P4HA1: variants seen among roughly 807,000 people sequenced by gnomAD.
P4HA1 encodes the protein prolyl 4-hydroxylase subunit alpha-1.
P4HA1 carries 24 observed loss-of-function variants against 72.8 expected under a neutral mutation model. The observed-to-expected ratio is 0.33, with a 90% CI of 0.24 to 0.46. P4HA1 has a LOEUF of 0.46. Ranked by LOEUF, P4HA1 falls within the 20% of genes least tolerant of loss-of-function variation. The pLI is 1.00. For synonymous variants in P4HA1, 201 were observed against 218.8 expected, an observed-to-expected ratio of 0.92 and a Z score of 0.72; for missense variants, 446 against 640.6, an observed-to-expected ratio of 0.70 and a Z score of 3.28.
chr10:73,039,603 C>T (rs904085048), intron 9 of P4HA1, among the ~76,000 whole-genome samples: 7 of 152,010 alleles, frequency 4.6e-5, no homozygotes, highest in Admixed American at 2.0e-4. Flanking sequence ...CACCATGCCC[C>T]GCCTGTTTTA....
chr10:73,064,706 T>A (rs1350664127), intron 5 of P4HA1, among the ~76,000 whole-genome samples: 1 of 151,892 alleles, frequency 6.6e-6, no homozygotes, highest in African/African-American at 2.4e-5. Context: ...CTGGACATGG[T>A]GGTGGGCACC....
At chr10:73,045,887 A>AC (rs879272191) in intron 8 of P4HA1, among the ~76,000 whole-genome samples, 1 of 151,320 alleles carries the variant, frequency 6.6e-6, no homozygotes, top group African/African-American at 2.4e-5. Context: ...AAAAAAAAAA[A>AC]CCACCAATTT....
chr10:73,082,113 A>T (rs1327868753), intron 1 of P4HA1, among the ~76,000 whole-genome samples: 1 of 152,262 alleles, frequency 6.6e-6, no homozygotes, highest in Non-Finnish European at 1.5e-5. Context: ...ACACTTTATT[A>T]TAAAATAGGC....
chr10:73,047,226 AAAG>A (rs2133090362), intron 7 of P4HA1, 125 bp from the exon 8 acceptor site: 2 of 723,856 alleles, frequency 2.8e-6, no homozygotes, highest in East Asian at 5.5e-5. Context: ...AAAACATACA[AAAG>A]AAGCAGTACT....
chr10:73,058,015 C>T (rs112733441), intron 5 of P4HA1, among the ~76,000 whole-genome samples: 7,804 of 141,396 alleles, frequency 0.055, 650 homozygotes, highest in African/African-American at 0.18. Context: ...CGCTTGAACC[C>T]GGGAAGCGAG....
At chr10:73,072,838 G>C (rs1841596453) in intron 3 of P4HA1, among the ~76,000 whole-genome samples, 1 of 152,148 alleles carries the variant, frequency 6.6e-6, no homozygotes, top group Non-Finnish European at 1.5e-5. Context: ...TGACTAAGAG[G>C]TTAGAAGAGG....
intron 9 of P4HA1, among the ~76,000 whole-genome samples, chr10:73,037,847 A>T (rs1353618934): frequency 6.6e-6 from 1 of 151,810 alleles, no homozygotes; most frequent in African/African-American, 2.4e-5. Context: ...AAAAAAAATA[A>T]AAAAGCTGAA....
intron 1 of P4HA1, among the ~76,000 whole-genome samples, chr10:73,075,328 C>T (rs1442696307): frequency 1.3e-5 from 2 of 152,054 alleles, no homozygotes; most frequent in South Asian, 2.1e-4. Flanking sequence ...AGGCTGGTCT[C>T]GAACTCCTGG....
intron 9 of P4HA1, among the ~76,000 whole-genome samples, chr10:73,031,986 T>C (rs1401024610): frequency 1.3e-5 from 2 of 152,160 alleles, no homozygotes; most frequent in African/African-American, 2.4e-5. Flanking sequence ...TGGATCAATC[T>C]CTTTTATCTA....
intron 10 of P4HA1, among the ~76,000 whole-genome samples, chr10:73,023,737 C>T (rs141093138): frequency 0.025 from 3,757 of 148,764 alleles, 145 homozygotes; most frequent in African/African-American, 0.082. Context: ...TCAGGAGACA[C>T]ATCTCATGTG....
chr10:73,037,571 A>ATATATATATATATAT (rs1238501206), intron 9 of P4HA1, among the ~76,000 whole-genome samples: 1 of 30,610 alleles, frequency 3.3e-5, no homozygotes, highest in Non-Finnish European at 5.9e-5. Context: ...ATATATATAT[A>ATATATATATATATAT]TTTTTTTTTT....
intron 1 of P4HA1, among the ~76,000 whole-genome samples, chr10:73,076,387 G>T: frequency 6.8e-6 from 1 of 147,652 alleles, no homozygotes; most frequent in Non-Finnish European, 1.5e-5. Context: ...AAGTTGTAGA[G>T]AATCCAAAAC....
At chr10:73,050,553 A>G (rs937863848) in intron 7 of P4HA1, among the ~76,000 whole-genome samples, 1 of 152,028 alleles carries the variant, frequency 6.6e-6, no homozygotes, top group African/African-American at 2.4e-5. Flanking sequence ...TACAAAAATT[A>G]GCCGGGTATG....
chr10:73,089,710 T>TAAA (rs10700344), intron 1 of P4HA1, among the ~76,000 whole-genome samples: 115 of 95,892 alleles, frequency 1.2e-3, no homozygotes, highest in African/African-American at 3.9e-3. Flanking sequence ...TTCCCCGTGC[T>TAAA]AAAAAAAAAA....
At chr10:73,031,579 T>A (rs557695356) in intron 9 of P4HA1, among the ~76,000 whole-genome samples, 3 of 152,032 alleles carry the variant, frequency 2.0e-5, no homozygotes, top group Admixed American at 1.3e-4. Flanking sequence ...CTATGAAATA[T>A]ACAGAATAGA....
At position 73,049,315 on chromosome 10, in the gene P4HA1, G is replaced by A. The variant is rs1327790349; in HGVS notation, c.900+1738C>T. Among the ~76,000 whole-genome samples, 3 of 152,258 alleles carry A rather than the reference G, an allele frequency of 2.0e-5. No homozygotes were observed. The East Asian group carries it at 5.8e-4, about 29-fold the overall frequency. On this transcript the variant is annotated intron_variant, in intron 7 of 14. Transcript: ENST00000394890. ...TGCAAAGCCCAGCTTGAGTTTACCA[G>A]TAGTAAAGAAAATGTTAAACACTTT...
At chr10:73,010,911 G>A in intron 13 of P4HA1, 58 bp downstream of exon 13, 2 of 1,172,248 alleles carry the variant, frequency 1.7e-6, no homozygotes, top group Non-Finnish European at 2.5e-6. Flanking sequence ...ATGAATACAA[G>A]TGCATCTCTT....
At chr10:73,048,129 T>C (rs1840918877) in intron 7 of P4HA1, among the ~76,000 whole-genome samples, 1 of 152,220 alleles carries the variant, frequency 6.6e-6, no homozygotes, top group Admixed American at 6.5e-5. Context: ...ATTATACTAA[T>C]AGTATACTAA....
At chr10:73,082,800 C>A (rs1230503042) in intron 1 of P4HA1, among the ~76,000 whole-genome samples, 3 of 152,150 alleles carry the variant, frequency 2.0e-5, no homozygotes. Context: ...ATGGTCAACA[C>A]AAAAGAACAC....
Sources: gnomAD v4.1 joint callset for allele counts (sites outside exome capture counted in the v4.1 genomes callset) on GRCh38, gnomAD v4.1.1 for gene constraint, MANE v1.5 for transcripts, NCBI Gene and HGNC (gene_info 2026-07-23, HGNC 2026-07-21) for gene names.